Variants in ATP2C1 observed in about 807,000 individuals in gnomAD.
ATP2C1 encodes calcium-transporting ATPase type 2C member 1.
In ATP2C1, 31 loss-of-function variants were observed where a neutral mutation model predicts 120.5. The ratio of observed to expected loss-of-function variants is 0.26; its 90% CI spans 0.19 to 0.35. The LOEUF (loss-of-function observed/expected upper bound fraction) is 0.35. Ranked by LOEUF, ATP2C1 falls within the 10% of genes least tolerant of loss-of-function variation. The probability of loss-of-function intolerance (pLI) is 1.00; values close to 1 mark genes in which losing one functional copy is unlikely to be tolerated. For missense variants in ATP2C1, 731 were observed against 1,107.5 expected (o/e 0.66, Z 4.83); for synonymous variants, 351 against 358.7 (o/e 0.98, Z 0.24).
Position 130,967,207 on chromosome 3 carries a change from A to T in ATP2C1, c.1185A>T (p.Gly395=). ...TTGTTGATGGTGATGTTGTTCATGG[A>T]TTCTATAACCCAGCTGTTAGCAGAA... ...EVIVDGDVVH[G]FYNPAVSRIV... is the part of the protein sequence containing the mutation. Residue 395 remains glycine, a synonymous_variant, in exon 15 of 28, where the codon GGA becomes GGT. Coordinates refer to ENST00000510168, the MANE Select transcript of ATP2C1 (RefSeq NM_001378687.1). 6.2e-7 allele frequency: 1 copy of T among 1,613,812 alleles called. No individual in the cohort carries two copies. Among genetic ancestry groups the T allele is most frequent in the South Asian group, 1.1e-5 (1 of 91,084 alleles).
intron 2 of ATP2C1, among the ~76,000 whole-genome samples, chr3:130,914,844 G>A (rs927176945): frequency 1.4e-4 from 22 of 152,268 alleles, no homozygotes; most frequent in African/African-American, 5.3e-4. Flanking sequence ...AAAACATGGG[G>A]AACATAGATT....
downstream of ATP2C1, among the ~76,000 whole-genome samples, chr3:131,006,552 G>A (rs2063118554): frequency 6.6e-6 from 1 of 152,028 alleles, no homozygotes. Context: ...CTGTCCCAAT[G>A]TTGAGAATCA....
chr3:130,859,896 C>T (rs1278767114), intron 1 of ATP2C1, among the ~76,000 whole-genome samples: 3 of 151,942 alleles, frequency 2.0e-5, no homozygotes, highest in South Asian at 2.1e-4. Context: ...ATTACAAATT[C>T]GAATGACAAA....
At chr3:130,914,788 C>T (rs1448051404) in intron 2 of ATP2C1, among the ~76,000 whole-genome samples, 1 of 152,212 alleles carries the variant, frequency 6.6e-6, no homozygotes, top group African/African-American at 2.4e-5. Context: ...GATTGCCCAT[C>T]CCTTTCACGT....
rs771816909 is a variant in ATP2C1 at position 130,874,951 on chromosome 3, G to C, written c.108+24023G>C. Among the ~76,000 whole-genome samples the C allele has an allele frequency of 4.0e-4, 61 of 152,224 alleles. 1 individual carries two copies. Among genetic ancestry groups the C allele is most frequent in the Middle Eastern group, 6.8e-3 (2 of 294 alleles). ...AGCCACACTGAGAAATATTAACTTA[G>C]ACTAATGATCTTGGAAACGAATGGA... On this transcript the variant is annotated intron_variant, in intron 1 of 26. Coordinates refer to the ATP2C1 transcript ENST00000504381.
At chr3:130,901,975 C>T (rs548047711) in intron 2 of ATP2C1, among the ~76,000 whole-genome samples, 12 of 152,086 alleles carry the variant, frequency 7.9e-5, no homozygotes, top group South Asian at 2.1e-4. Context: ...TGCTACAATC[C>T]GTAAGACAGC....
intron 1 of ATP2C1, among the ~76,000 whole-genome samples, chr3:130,883,712 C>T (rs912021322): frequency 2.6e-5 from 4 of 152,090 alleles, no homozygotes; most frequent in African/African-American, 9.7e-5. Flanking sequence ...CCACCCTGGC[C>T]TCCCAAAGTG....
intron 1 of ATP2C1, among the ~76,000 whole-genome samples, chr3:130,887,093 G>C (rs1576594210): frequency 1.3e-5 from 2 of 152,206 alleles, no homozygotes; most frequent in East Asian, 3.8e-4. Context: ...TAGAGGTACT[G>C]CCTTGGTGGT....
chr3:130,930,454 G>A lies in ATP2C1; in HGVS notation c.45G>A (p.Glu15=), dbSNP rs1231203245. The change falls in exon 3 of 28, where the codon GAG becomes GAA. Residue 15 remains glutamate (E), a synonymous_variant. Transcript: ENST00000510168. ...RFQKIPNGEN[E]TMIPVLTSKK... is the part of the protein sequence containing the mutation. ...AAAAAATACCTAATGGTGAAAATGA[G>A]ACAATGATTCCTGTATTGACATCAA... The A allele has an allele frequency of 3.1e-6, 5 of 1,613,312 alleles. No individual in the cohort carries two copies. Among genetic ancestry groups the A allele is most frequent in the Non-Finnish European group, 4.2e-6 (5 of 1,179,466 alleles).
chr3:130,992,924 T>A, intron 20 of ATP2C1, 27 bp from the exon 21 acceptor site: 1 of 1,589,888 alleles, frequency 6.3e-7, no homozygotes, highest in Middle Eastern at 1.7e-4. Context: ...ATATTGAAGA[T>A]TTTTAGTGTA....
At chr3:130,887,182 A>G (rs957652153) in intron 1 of ATP2C1, among the ~76,000 whole-genome samples, 17 of 152,176 alleles carry the variant, frequency 1.1e-4, no homozygotes, top group Non-Finnish European at 2.1e-4. Context: ...TCCCAAACAA[A>G]TGAAGTCTCT....
intron 2 of ATP2C1, among the ~76,000 whole-genome samples, chr3:130,907,841 AGCATT>A (rs1553753935): frequency 6.6e-6 from 1 of 151,852 alleles, no homozygotes; most frequent in Non-Finnish European, 1.5e-5. Context: ...AATTTTCATA[AGCATT>A]GCCTTGAATT....
At chr3:130,918,419 A>G (rs1444603496) in intron 2 of ATP2C1, 2 of 1,038,736 alleles carry the variant, frequency 1.9e-6, no homozygotes, top group African/African-American at 3.1e-5. Context: ...TCTCAGCAGC[A>G]TGTACGGAAT....
chr3:130,874,109 C>CAA (rs532499817), intron 1 of ATP2C1, among the ~76,000 whole-genome samples: 76 of 97,928 alleles, frequency 7.8e-4, no homozygotes, highest in African/African-American at 2.3e-3. Flanking sequence ...GACTCTGTCT[C>CAA]AAAAAAAAAA....
intron 2 of ATP2C1, among the ~76,000 whole-genome samples, chr3:130,896,443 A>G (rs915752610): frequency 1.8e-4 from 27 of 152,216 alleles, no homozygotes; most frequent in African/African-American, 5.8e-4. Context: ...TTGACCATCA[A>G]GAGACCATTT....
chr3:130,858,152 G>A (rs770014739), intron 1 of ATP2C1, among the ~76,000 whole-genome samples: 22 of 151,996 alleles, frequency 1.4e-4, no homozygotes, highest in Non-Finnish European at 2.6e-4. Flanking sequence ...ATTAGATGGC[G>A]CCCACCCAGA....
At chr3:130,968,688 T>A (rs1301817995) in intron 16 of ATP2C1, among the ~76,000 whole-genome samples, 3 of 152,190 alleles carry the variant, frequency 2.0e-5, no homozygotes, top group Non-Finnish European at 2.9e-5. Flanking sequence ...CCTGAACATG[T>A]TTCAGTAGAA....
At chr3:130,903,738 A>C (rs1222897828) in intron 2 of ATP2C1, among the ~76,000 whole-genome samples, 1 of 99,260 alleles carries the variant, frequency 1.0e-5, no homozygotes. Context: ...TTTCCTTTCC[A>C]TCTTCTGTAT....
At position 130,993,985 on chromosome 3, in the gene ATP2C1, T is replaced by C. The variant is rs996011681; in HGVS notation, c.1944T>C (p.Asp648=). Reference sequence around the variant, plus strand: ...CCATGACAGGAGATGGAGTAAATGATGCAGTTGCTCTGAAGGCTGCAGACA... The same window carrying C: ...CCATGACAGGAGATGGAGTAAATGACGCAGTTGCTCTGAAGGCTGCAGACA... ...VVAMTGDGVN[D]AVALKAADIG... is the part of the protein sequence containing the mutation. The change falls in exon 22 of 28, where the codon GAT becomes GAC. Residue 648 remains aspartate (D), a synonymous_variant. Coordinates refer to ENST00000510168, the MANE Select transcript of ATP2C1 (RefSeq NM_001378687.1). 1.9e-6 allele frequency: 3 copies of C among 1,614,164 alleles called. No individual in the cohort carries two copies. The highest frequency in any genetic ancestry group is 2.2e-5 in the South Asian group (2 of 91,084).
Sources: allele counts gnomAD v4.1 joint callset (sites outside exome capture counted in the v4.1 genomes callset), GRCh38; gene constraint gnomAD v4.1.1; transcripts MANE v1.5; gene names NCBI Gene and HGNC (gene_info 2026-07-23, HGNC 2026-07-21).